Variants in TEKT5 observed in about 807,000 individuals in gnomAD.
The protein encoded by TEKT5 is tektin-5.
A neutral mutation model predicts 48.7 loss-of-function variants in TEKT5; 52 were observed. The ratio of observed to expected loss-of-function variants is 1.07; its 90% CI spans 0.86 to 1.35. The LOEUF is 1.35. Among genes scored for constraint, TEKT5 ranks in the 40% most tolerant of loss-of-function variants. The pLI is 0.00. For missense variants in TEKT5, 831 were observed against 641.6 expected (o/e 1.30, Z -3.19); for synonymous variants, 318 against 267.6 (o/e 1.19, Z -1.84).
At chr16:10,689,384 G>T in intron 2 of TEKT5, 61 bp from the exon 3 acceptor site, 1 of 1,429,480 alleles carries the variant, frequency 7.0e-7, no homozygotes, top group Non-Finnish European at 9.8e-7. Context: ...TTCTCTCCCA[G>T]GCCAGAGCCC....
intron 3 of TEKT5, among the ~76,000 whole-genome samples, chr16:10,682,970 C>T (rs1226495019): frequency 4.6e-5 from 7 of 152,142 alleles, no homozygotes; most frequent in Admixed American, 3.9e-4. Context: ...GCAAATAAGA[C>T]GACCCAGTCA....
intron 4 of TEKT5, 42 bp downstream of exon 4, chr16:10,681,951 G>C (rs755464087): frequency 3.1e-6 from 5 of 1,602,846 alleles, no homozygotes; most frequent in Non-Finnish European, 4.3e-6. Context: ...CCTCACTCCA[G>C]TTGGACACGC....
intron 3 of TEKT5, among the ~76,000 whole-genome samples, chr16:10,686,278 G>A (rs562580694): frequency 6.6e-6 from 1 of 152,048 alleles, no homozygotes; most frequent in African/African-American, 2.4e-5. Context: ...TCACACTGCA[G>A]ACAAAAATCA....
intron 5 of TEKT5, among the ~76,000 whole-genome samples, chr16:10,663,810 T>C (rs1898414113): frequency 6.6e-6 from 1 of 152,172 alleles, no homozygotes; most frequent in Non-Finnish European, 1.5e-5. Flanking sequence ...TATTGGCAAA[T>C]GCCAGTGGGG....
At chr16:10,687,589 C>T (rs909081352) in intron 3 of TEKT5, among the ~76,000 whole-genome samples, 2 of 152,182 alleles carry the variant, frequency 1.3e-5, no homozygotes, top group Admixed American at 6.5e-5. Context: ...ACTGTCTCTA[C>T]TAAAAATACA....
chr16:10,632,152 T>G (rs116393197), intron 6 of TEKT5, among the ~76,000 whole-genome samples: 2 of 152,218 alleles, frequency 1.3e-5, no homozygotes, highest in African/African-American at 4.8e-5. Flanking sequence ...CTCTGTCCAA[T>G]AGAACTTTCT....
chr16:10,631,147 T>A (rs1897834079), intron 6 of TEKT5, among the ~76,000 whole-genome samples: 1 of 148,496 alleles, frequency 6.7e-6, no homozygotes, highest in Non-Finnish European at 1.5e-5. Flanking sequence ...TCCCAGATAC[T>A]CGGGAGGCTG....
Position 10,686,670 on chromosome 16 carries a change from G to A in TEKT5, c.719+2583C>T, listed in dbSNP as rs191914018. 3.3e-5 allele frequency among the ~76,000 whole-genome samples: 5 copies of A among 152,220 alleles called. No homozygotes were observed. The East Asian group carries it at 5.8e-4, about 18-fold the overall frequency. ...CAAACAAGAGACTGAAGAGACAACC[G>A]CAGAAATGGGAGAAGATATTTGCAA... On this transcript the variant is annotated intron_variant, in intron 3 of 6. Transcript: ENST00000283025.
chr16:10,660,056 C>G (rs1898335871), intron 5 of TEKT5, among the ~76,000 whole-genome samples: 1 of 152,134 alleles, frequency 6.6e-6, no homozygotes, highest in Non-Finnish European at 1.5e-5. Flanking sequence ...AGCATTTAAT[C>G]CAATTCCCTG....
At chr16:10,657,664 A>G (rs1446561281) in intron 5 of TEKT5, among the ~76,000 whole-genome samples, 1 of 147,950 alleles carries the variant, frequency 6.8e-6, no homozygotes, top group Non-Finnish European at 1.5e-5. Context: ...ATCTCGGCTC[A>G]CTGCAAGCTC....
At chr16:10,652,784 AC>A (rs1224847511) in intron 5 of TEKT5, among the ~76,000 whole-genome samples, 11 of 116,450 alleles carry the variant, frequency 9.4e-5, no homozygotes, top group Non-Finnish European at 1.8e-4. Flanking sequence ...ACACACACAC[AC>A]ACACACACAC....
rs557894073 is a variant in TEKT5, at chr16:10,646,351, T to C, written c.1087-10433A>G. Reference sequence around the variant, plus strand: ...ATTTGGGAACAACCTGCCCTACAAATTATAGAATCCTGCCCATCTCGGATT... The same window carrying C: ...ATTTGGGAACAACCTGCCCTACAAACTATAGAATCCTGCCCATCTCGGATT... On this transcript the variant is annotated intron_variant, in intron 5 of 6. Transcript: ENST00000283025. Among the ~76,000 whole-genome samples, 51 of 152,284 alleles carry C rather than the reference T, an allele frequency of 3.3e-4. 1 individual carries two copies. The highest frequency in any genetic ancestry group is 2.3e-3 in the East Asian group (12 of 5,180).
chr16:10,668,352 T>C (rs555665088), intron 5 of TEKT5, among the ~76,000 whole-genome samples: 3 of 152,248 alleles, frequency 2.0e-5, no homozygotes, highest in African/African-American at 2.4e-5. Flanking sequence ...GAGAGAGACT[T>C]TCTCCCTGGG....
At chr16:10,693,839 G>A (rs149839512) in intron 1 of TEKT5, among the ~76,000 whole-genome samples, 1,592 of 152,148 alleles carry the variant, frequency 0.01, 28 homozygotes, top group African/African-American at 0.034. Context: ...CCATGGTGGC[G>A]GGCACCTGTA....
chr16:10,655,284 G>A (rs548240424), intron 5 of TEKT5, among the ~76,000 whole-genome samples: 15 of 152,182 alleles, frequency 9.9e-5, no homozygotes, highest in South Asian at 6.2e-4. Flanking sequence ...CAGTCTAAAC[G>A]GAGGGAGTGT....
intron 5 of TEKT5, among the ~76,000 whole-genome samples, chr16:10,668,141 A>C (rs535045773): frequency 6.2e-4 from 95 of 152,276 alleles, no homozygotes; most frequent in African/African-American, 2.2e-3. Flanking sequence ...GGCTTCCCAA[A>C]GTGCTGGGAT....
At chr16:10,686,164 G>A (rs1898858907) in intron 3 of TEKT5, among the ~76,000 whole-genome samples, 1 of 152,170 alleles carries the variant, frequency 6.6e-6, no homozygotes, top group Non-Finnish European at 1.5e-5. Flanking sequence ...TTGATTTTCA[G>A]CAAAGATGCC....
In TEKT5 at chr16:10,694,567, G is replaced by A. The variant is rs143356838; in HGVS notation, c.307C>T (p.Arg103Cys). Reference sequence around the variant, plus strand: ...CACAGCCGGGAGGCCTCGGCCCCACGCACCTGCAGCTGGTTGGACTGGTCC... The same window carrying A: ...CACAGCCGGGAGGCCTCGGCCCCACACACCTGCAGCTGGTTGGACTGGTCC... ...DWDQSNQLQV[R>C]GAEASRLWAS... Residue 103 changes from arginine (R) to cysteine (C), a missense_variant, in exon 1 of 7, where the codon CGT becomes TGT. By Grantham distance (180) the Arg-to-Cys change is radical. Transcript: ENST00000283025. 4.3e-5 allele frequency: 69 copies of A among 1,602,438 alleles called. No homozygotes were observed. The highest frequency in any genetic ancestry group is 1.6e-4 in the South Asian group (14 of 89,092).
Position 10,682,136 on chromosome 16 carries a change from C to G in TEKT5, c.720G>C (p.Arg240=), listed in dbSNP as rs2142308603. 5 of 1,613,920 alleles carry G rather than the reference C, an allele frequency of 3.1e-6. No homozygotes were observed. Reference sequence around the variant, plus strand: ...GCACGTGCTGAGCATCCCGGTTATCCCTGCAGGGAGGGAGGAGTCATTCCT... The same window carrying G: ...GCACGTGCTGAGCATCCCGGTTATCGCTGCAGGGAGGGAGGAGTCATTCCT... ...KLAQRIDIQM[R]DNRDAQHVLE... Residue 240 remains arginine (R), a splice_region_variant and synonymous_variant, in exon 4 of 7, where the codon CGG becomes CGC. Transcript: ENST00000283025.
Sources: allele counts gnomAD v4.1 joint callset (sites outside exome capture counted in the v4.1 genomes callset), GRCh38; gene constraint gnomAD v4.1.1; transcripts MANE v1.5; gene names NCBI Gene and HGNC (gene_info 2026-07-23, HGNC 2026-07-21).